The following ABLIM1 variants were observed in gnomAD, a reference collection of about 807,000 sequenced individuals.
The protein encoded by ABLIM1 is actin-binding LIM protein 1.
ABLIM1 carries 40 observed loss-of-function variants against 107.0 expected under a neutral mutation model. The ratio of observed to expected loss-of-function variants is 0.37; its 90% CI spans 0.29 to 0.49. The LOEUF (loss-of-function observed/expected upper bound fraction) is 0.49, where lower values mean the gene tolerates loss of function less well. Among genes scored for constraint, ABLIM1 ranks in the 20% least tolerant of loss-of-function variants. The pLI, the probability that ABLIM1 is intolerant of heterozygous loss-of-function variation, is 0.97. For synonymous variants in ABLIM1, 357 were observed against 357.3 expected (o/e 1.00, Z 0.01); for missense variants, 857 against 1,008.5 (o/e 0.85, Z 2.04).
At chr10:114,569,373 G>A (rs1255010610) in intron 4 of ABLIM1, among the ~76,000 whole-genome samples, 1 of 151,364 alleles carries the variant, frequency 6.6e-6, no homozygotes, top group Admixed American at 6.6e-5. Flanking sequence ...AGGCTGGAGT[G>A]CAGTGGCGCG....
At chr10:114,446,240 A>G (rs1391454870) in intron 15 of ABLIM1, among the ~76,000 whole-genome samples, 1 of 152,228 alleles carries the variant, frequency 6.6e-6, no homozygotes, top group Non-Finnish European at 1.5e-5. Flanking sequence ...ATTCAATAAA[A>G]AGCATACTTT....
intron 11 of ABLIM1, among the ~76,000 whole-genome samples, chr10:114,466,392 T>C (rs11196750): frequency 0.094 from 14,322 of 152,190 alleles, 725 homozygotes; most frequent in East Asian, 0.18. Context: ...ATAATTCCAA[T>C]GACCATGCTG....
the ABLIM1 span, among the ~76,000 whole-genome samples, chr10:114,783,940 G>A: frequency 6.6e-6 from 1 of 152,070 alleles, no homozygotes; most frequent in Non-Finnish European, 1.5e-5. Context: ...TTGGCAACAC[G>A]GAAGCTGTTA....
intron 1 of ABLIM1, among the ~76,000 whole-genome samples, chr10:114,717,456 T>C (rs990126031): frequency 1.3e-5 from 2 of 152,190 alleles, no homozygotes; most frequent in Non-Finnish European, 2.9e-5. Context: ...TGGGGTGCTA[T>C]CATGCACATT....
intron 2 of ABLIM1, among the ~76,000 whole-genome samples, chr10:114,585,289 C>T (rs1420496773): frequency 6.6e-6 from 1 of 152,138 alleles, no homozygotes; most frequent in Non-Finnish European, 1.5e-5. Flanking sequence ...CACGACCATA[C>T]ATACATGGAT....
chr10:114,712,316 G>T (rs1041156179), intron 1 of ABLIM1, among the ~76,000 whole-genome samples: 5 of 125,932 alleles, frequency 4.0e-5, no homozygotes, highest in African/African-American at 1.6e-4. Context: ...TCACGCCACT[G>T]CACTCCAGCC....
At chr10:114,796,923 C>T in the ABLIM1 span, among the ~76,000 whole-genome samples, 5 of 152,180 alleles carry the variant, frequency 3.3e-5, no homozygotes, top group Non-Finnish European at 7.3e-5. Context: ...CATGGGTGAC[C>T]CATCCCAAAC....
chr10:114,516,455 CAG>C (rs2062828891), intron 6 of ABLIM1, among the ~76,000 whole-genome samples: 1 of 152,046 alleles, frequency 6.6e-6, no homozygotes, highest in Admixed American at 6.5e-5. Flanking sequence ...ACTGGGGAGA[CAG>C]AGGTTGCAGT....
intron 3 of ABLIM1, 100 bp downstream of exon 3, chr10:114,575,316 C>G: frequency 1.5e-6 from 2 of 1,304,248 alleles, no homozygotes; most frequent in South Asian, 2.8e-5. Context: ...AGAGTATGTG[C>G]TACTCAAGAC....
At chr10:114,653,765 C>T (rs2079363722) in intron 1 of ABLIM1, among the ~76,000 whole-genome samples, 1 of 152,124 alleles carries the variant, frequency 6.6e-6, no homozygotes, top group Admixed American at 6.5e-5. Context: ...CTGATATATG[C>T]CCACTGATAT....
intron 1 of ABLIM1, among the ~76,000 whole-genome samples, chr10:114,674,011 C>A (rs1288650730): frequency 3.3e-5 from 5 of 152,014 alleles, no homozygotes; most frequent in African/African-American, 1.2e-4. Flanking sequence ...CCATCTGGTC[C>A]CAGTGTGGTG....
At position 114,755,770 on chromosome 10, in the gene ABLIM1, C is replaced by T. The variant is rs557796028; in HGVS notation, c.-213+12291G>A. On this transcript the variant is annotated intron_variant, in intron 1 of 15. Transcript: ENST00000651092. The stretch of plus-strand genomic sequence containing the variant: ...ATTTGCTGACTTAACTGTCCTGGGG[C>T]AGGTGGCCAGGTTCAAGCCAGCTCT... Among the ~76,000 whole-genome samples, 62 of 152,326 alleles carry T rather than the reference C, an allele frequency of 4.1e-4. 2 individuals carry two copies. In the South Asian group the frequency reaches 0.012, roughly 31 times the overall value.
At chr10:114,697,889 G>T (rs549103281) in intron 1 of ABLIM1, among the ~76,000 whole-genome samples, 1 of 152,150 alleles carries the variant, frequency 6.6e-6, no homozygotes, top group East Asian at 1.9e-4. Flanking sequence ...TTAAAGTAAT[G>T]ATTTTAAATC....
intron 1 of ABLIM1, among the ~76,000 whole-genome samples, chr10:114,722,813 T>G (rs1216472702): frequency 6.6e-6 from 1 of 152,226 alleles, no homozygotes; most frequent in African/African-American, 2.4e-5. Context: ...TGGATAGTTC[T>G]TTTCCCTTTT....
At position 114,434,621 on chromosome 10, in the gene ABLIM1, T is replaced by C. The variant is rs796946968; in HGVS notation, c.*1639A>G. 1 of 152,234 alleles carries C rather than the reference T, an allele frequency of 6.6e-6. No individual in the cohort carries two copies. Among genetic ancestry groups the C allele is most frequent in the African/African-American group, 2.4e-5 (1 of 41,458 alleles). The allele number at this position is 152,234 out of a possible 1,614,324, so 9.4% of individuals were successfully genotyped here. On this transcript the variant is annotated 3_prime_UTR_variant, in exon 23 of 23. Transcript: ENST00000533213. ...GAAGGTAAATTCAAATGTTTTCTTC[T>C]TCGGCTTTAAAACAGAGCTTAAATT... is the stretch of plus-strand genomic sequence containing the variant.
chr10:114,779,150 T>C, the ABLIM1 span: 2 of 152,164 alleles, frequency 1.3e-5, no homozygotes, highest in African/African-American at 4.8e-5. Flanking sequence ...GAATCACCAG[T>C]GATTTATTCT....
chr10:114,785,711 C>G, the ABLIM1 span, among the ~76,000 whole-genome samples: 1 of 151,922 alleles, frequency 6.6e-6, no homozygotes, highest in South Asian at 2.1e-4. Flanking sequence ...CTAATGGAAA[C>G]AGTTTTTGTT....
chr10:114,501,795 G>A (rs1271454303), intron 6 of ABLIM1, among the ~76,000 whole-genome samples: 1 of 152,114 alleles, frequency 6.6e-6, no homozygotes. Context: ...TCCCCCAACA[G>A]AGTGGTGCAT....
intron 2 of ABLIM1, among the ~76,000 whole-genome samples, chr10:114,596,306 C>T (rs148402858): frequency 6.0e-4 from 92 of 152,304 alleles, no homozygotes; most frequent in African/African-American, 2.0e-3. Flanking sequence ...CTTACTTGTA[C>T]GTCTCTTCTA....
Sources: gnomAD v4.1 joint callset for allele counts (sites outside exome capture counted in the v4.1 genomes callset) on GRCh38, gnomAD v4.1.1 for gene constraint, MANE v1.5 for transcripts, NCBI Gene and HGNC (gene_info 2026-07-23, HGNC 2026-07-21) for gene names.